ADGRB3: variants seen among roughly 807,000 people sequenced by gnomAD.
ADGRB3 encodes adhesion G protein-coupled receptor B3.
In ADGRB3, 37 loss-of-function variants were observed where a neutral mutation model predicts 193.4. The ratio of observed to expected loss-of-function variants is 0.19; its 90% CI spans 0.15 to 0.25. ADGRB3 has a LOEUF of 0.25. Among genes scored for constraint, ADGRB3 ranks in the 10% least tolerant of loss-of-function variants. The probability of loss-of-function intolerance (pLI) is 1.00; values close to 1 mark genes in which losing one functional copy is unlikely to be tolerated. For synonymous variants in ADGRB3, 690 were observed against 644.2 expected (o/e 1.07, Z -1.08); for missense variants, 1,637 against 1,852.9 (o/e 0.88, Z 2.14).
intron 3 of ADGRB3, among the ~76,000 whole-genome samples, chr6:68,888,725 G>A (rs563231244): frequency 1.3e-5 from 2 of 152,122 alleles, no homozygotes; most frequent in Non-Finnish European, 2.9e-5. Flanking sequence ...ATTATATAGG[G>A]TGGTCATTGA....
At chr6:69,269,090 A>T (rs1464933717) in intron 20 of ADGRB3, among the ~76,000 whole-genome samples, 1 of 152,144 alleles carries the variant, frequency 6.6e-6, no homozygotes, top group Non-Finnish European at 1.5e-5. Context: ...CCTCAAAACA[A>T]TGTAATACAG....
At chr6:68,988,253 A>G (rs1313871471) in intron 10 of ADGRB3, among the ~76,000 whole-genome samples, 2 of 152,190 alleles carry the variant, frequency 1.3e-5, no homozygotes, top group African/African-American at 4.8e-5. Flanking sequence ...AGATACAGCA[A>G]GATTACTTCT....
Position 69,235,090 on chromosome 6 carries a change from G to C in ADGRB3, c.2666G>C (p.Cys889Ser), listed in dbSNP as rs1201847983. Residue 889 changes from cysteine to serine, a missense_variant, in exon 19 of 32, where the codon TGC becomes TCC. Cys to Ser is a moderately radical substitution (Grantham distance 112). This residue lies in a region of ADGRB3 where 641 missense variants were observed against 673.9 expected (regional missense o/e 0.95). Coordinates refer to ENST00000370598, the MANE Select transcript of ADGRB3 (RefSeq NM_001704.3). ...VTLIVGSGLS[C>S]LALITLAVVY... Reference sequence around the variant, plus strand: ...CTAATAGTAGGCAGTGGTCTTTCTTGCTTGGCCTTGATTACCCTAGCAGTT... The same window carrying C: ...CTAATAGTAGGCAGTGGTCTTTCTTCCTTGGCCTTGATTACCCTAGCAGTT... 1 of 1,613,174 alleles carries C rather than the reference G, an allele frequency of 6.2e-7. No homozygotes were observed. Among genetic ancestry groups the C allele is most frequent in the Non-Finnish European group, 8.5e-7 (1 of 1,179,288 alleles).
At chr6:69,003,251 T>C (rs1281925508) in intron 11 of ADGRB3, among the ~76,000 whole-genome samples, 2 of 152,184 alleles carry the variant, frequency 1.3e-5, no homozygotes, top group African/African-American at 2.4e-5. Flanking sequence ...AATGCAGATA[T>C]GTAATTGGTA....
rs142251199 is a variant in ADGRB3 at position 68,846,796 on chromosome 6, G to A, written c.758-83763G>A. Among the ~76,000 whole-genome samples, 312 of 152,096 alleles carry A rather than the reference G, an allele frequency of 2.1e-3. 5 individuals carry two copies. The highest frequency in any genetic ancestry group is 5.2e-3 in the Admixed American group (79 of 15,194). ...AGGACAATGTGGAAGGGAAATGTAG[G>A]GTCAGAGCCCTCACACAGAGTCCCT... On this transcript the variant is annotated intron_variant, in intron 3 of 31. Coordinates refer to ENST00000370598, the MANE Select transcript of ADGRB3 (RefSeq NM_001704.3).
rs140215066 is a variant in ADGRB3, at chr6:68,919,386, C to A, written c.758-11173C>A. ...GGTCTCCTAAGGGAAATGATTATTT[C>A]TTTTAATAAATGCTGTTAGCAAAAT... On this transcript the variant is annotated intron_variant, in intron 3 of 31. Transcript: ENST00000370598. Among the ~76,000 whole-genome samples the A allele has an allele frequency of 3.3e-5, 5 of 152,238 alleles. No individual in the cohort carries two copies. The East Asian group carries it at 7.7e-4, about 23-fold the overall frequency.
chr6:69,180,097 G>T (rs1775540044), intron 17 of ADGRB3, among the ~76,000 whole-genome samples: 1 of 152,226 alleles, frequency 6.6e-6, no homozygotes. Flanking sequence ...GGCAAGGCAT[G>T]GAGCTGGGAA....
At chr6:69,296,553 C>A (rs911950275) in intron 20 of ADGRB3, among the ~76,000 whole-genome samples, 3 of 152,058 alleles carry the variant, frequency 2.0e-5, no homozygotes, top group African/African-American at 7.2e-5. Flanking sequence ...AATGTTCCAA[C>A]ACAGGAGGCA....
chr6:69,250,969 C>T (rs1424860428), intron 20 of ADGRB3, among the ~76,000 whole-genome samples: 1 of 152,154 alleles, frequency 6.6e-6, no homozygotes, highest in Non-Finnish European at 1.5e-5. Context: ...ACTTCTTTCA[C>T]CTCACTGCCT....
intron 19 of ADGRB3, among the ~76,000 whole-genome samples, chr6:69,237,805 C>A (rs920565481): frequency 2.0e-5 from 3 of 151,916 alleles, no homozygotes; most frequent in African/African-American, 4.8e-5. Flanking sequence ...TCCCCACCCA[C>A]AAAAAAGAGA....
At chr6:69,089,316 C>A (rs978356784) in intron 17 of ADGRB3, among the ~76,000 whole-genome samples, 1 of 152,072 alleles carries the variant, frequency 6.6e-6, no homozygotes, top group Non-Finnish European at 1.5e-5. Flanking sequence ...TGAACACAGG[C>A]ATAATTATTG....
chr6:68,743,753 T>C (rs1361177182), intron 3 of ADGRB3, among the ~76,000 whole-genome samples: 2 of 152,072 alleles, frequency 1.3e-5, no homozygotes, highest in Admixed American at 1.3e-4. Context: ...TGTTGAGAAA[T>C]TAAGAGAACT....
At chr6:69,238,684 T>G (rs925425975) in intron 19 of ADGRB3, among the ~76,000 whole-genome samples, 1 of 151,938 alleles carries the variant, frequency 6.6e-6, no homozygotes, top group Non-Finnish European at 1.5e-5. Flanking sequence ...CAATTTGAGT[T>G]TTTTCTTTTT....
intron 3 of ADGRB3, among the ~76,000 whole-genome samples, chr6:68,828,022 G>T (rs775650147): frequency 2.0e-5 from 3 of 152,062 alleles, no homozygotes; most frequent in Non-Finnish European, 4.4e-5. Context: ...AATCTCTTAG[G>T]GCTGGAACCA....
intron 3 of ADGRB3, among the ~76,000 whole-genome samples, chr6:68,799,109 G>T (rs1370238411): frequency 6.6e-6 from 1 of 152,080 alleles, no homozygotes; most frequent in Non-Finnish European, 1.5e-5. Context: ...GTGAATAGAG[G>T]GAGGGGAGGG....
intron 3 of ADGRB3, among the ~76,000 whole-genome samples, chr6:68,907,701 A>G (rs1442675724): frequency 6.6e-6 from 1 of 151,924 alleles, no homozygotes; most frequent in African/African-American, 2.4e-5. Context: ...GTTGTAAGCA[A>G]TTTATCTTTC....
At chr6:69,388,582 A>C in intron 31 of ADGRB3, 121 bp from the exon 32 acceptor site, 2 of 926,756 alleles carry the variant, frequency 2.2e-6, no homozygotes, top group East Asian at 5.4e-5. Context: ...CGTATTTTCA[A>C]GTCATCTCTG....
chr6:69,311,556 C>T (rs1198701670), intron 20 of ADGRB3, among the ~76,000 whole-genome samples: 2 of 151,664 alleles, frequency 1.3e-5, no homozygotes, highest in Non-Finnish European at 3.0e-5. Flanking sequence ...CTCTGATCTC[C>T]CTAGGACATC....
chr6:69,137,056 CTTT>C (rs71548125), intron 17 of ADGRB3, among the ~76,000 whole-genome samples: 4 of 80,124 alleles, frequency 5.0e-5, no homozygotes, highest in Non-Finnish European at 9.8e-5. Flanking sequence ...TCTTTTCTTT[CTTT>C]TTTTTTTTTT....
Sources: allele counts gnomAD v4.1 joint callset (sites outside exome capture counted in the v4.1 genomes callset), GRCh38; gene constraint gnomAD v4.1.1; regional missense constraint gnomAD v4.1.1; transcripts MANE v1.5; gene names NCBI Gene and HGNC (gene_info 2026-07-23, HGNC 2026-07-21).